Variants in PPP2R2A observed in about 807,000 individuals in gnomAD.
The protein encoded by PPP2R2A is serine/threonine-protein phosphatase 2A 55 kDa regulatory subunit B alpha isoform.
PPP2R2A carries 9 observed loss-of-function variants against 53.2 expected under a neutral mutation model. The observed-to-expected ratio is 0.17, with a 90% CI of 0.10 to 0.30. The LOEUF is 0.30. Ranked by LOEUF, PPP2R2A falls within the 10% of genes least tolerant of loss-of-function variation. The pLI is 1.00. For missense variants in PPP2R2A, 235 were observed against 534.6 expected (o/e 0.44, Z 5.53); for synonymous variants, 169 against 174.2 (o/e 0.97, Z 0.23).
intron 2 of PPP2R2A, among the ~76,000 whole-genome samples, chr8:26,330,460 C>G (rs1238119607): frequency 6.6e-6 from 1 of 151,696 alleles, no homozygotes; most frequent in Admixed American, 6.6e-5. Flanking sequence ...CCTGAGTAGC[C>G]GGGACCGCAG....
At chr8:26,291,873 A>G (rs201258778) in intron 1 of PPP2R2A, 47 bp downstream of exon 1, 1 of 1,592,764 alleles carries the variant, frequency 6.3e-7, no homozygotes, top group Non-Finnish European at 8.6e-7. Flanking sequence ...CCGCTTCCTT[A>G]TTCCTCCCTC....
At chr8:26,291,967 G>T in intron 1 of PPP2R2A, 141 bp downstream of exon 1, 4 of 1,232,302 alleles carry the variant, frequency 3.2e-6, no homozygotes, top group Non-Finnish European at 4.3e-6. Context: ...CAGAGGGGTG[G>T]GGTGGGGGCG....
chr8:26,312,545 C>A (rs1024925125), intron 2 of PPP2R2A, among the ~76,000 whole-genome samples: 2 of 152,204 alleles, frequency 1.3e-5, no homozygotes, highest in Non-Finnish European at 2.9e-5. Flanking sequence ...GTGCTGTTCT[C>A]ACATCAGTTA....
chr8:26,292,045 G>A (rs1258686625), intron 1 of PPP2R2A: 5 of 1,222,300 alleles, frequency 4.1e-6, no homozygotes, highest in Non-Finnish European at 5.2e-6. Context: ...GGCTGGCGCC[G>A]TGGCGGGGGT....
chr8:26,350,650 C>T (rs1804450131), intron 3 of PPP2R2A: 1 of 152,132 alleles, frequency 6.6e-6, no homozygotes, highest in African/African-American at 2.4e-5. Flanking sequence ...AAGCAATCCT[C>T]TGTCTTGGCC....
At chr8:26,353,807 G>A (rs947689747) in intron 3 of PPP2R2A, among the ~76,000 whole-genome samples, 1 of 152,108 alleles carries the variant, frequency 6.6e-6, no homozygotes, top group Non-Finnish European at 1.5e-5. Context: ...CAAATTTAAG[G>A]CGAGTAAGCA....
intron 3 of PPP2R2A, chr8:26,350,514 C>G (rs1329150076): frequency 2.0e-5 from 3 of 152,192 alleles, no homozygotes; most frequent in Non-Finnish European, 4.4e-5. Context: ...ATCCTTCCCA[C>G]TTCAGCCTCC....
At chr8:26,343,697 A>C (rs1034549311) in intron 3 of PPP2R2A, among the ~76,000 whole-genome samples, 19 of 152,308 alleles carry the variant, frequency 1.2e-4, no homozygotes, top group Non-Finnish European at 1.3e-4. Flanking sequence ...AAATTGCATA[A>C]AATATTTAAG....
chr8:26,331,964 G>A (rs1803400662), intron 2 of PPP2R2A, among the ~76,000 whole-genome samples: 2 of 152,148 alleles, frequency 1.3e-5, no homozygotes, highest in Non-Finnish European at 2.9e-5. Context: ...TATATTGAGG[G>A]AAATAACAGA....
At chr8:26,345,119 C>T (rs1804144968) in intron 3 of PPP2R2A, among the ~76,000 whole-genome samples, 1 of 151,968 alleles carries the variant, frequency 6.6e-6, no homozygotes, top group South Asian at 2.1e-4. Flanking sequence ...TAAAAAGTTT[C>T]AAATTGTGGA....
intron 2 of PPP2R2A, among the ~76,000 whole-genome samples, chr8:26,326,112 T>C (rs1803072901): frequency 6.6e-6 from 1 of 152,232 alleles, no homozygotes; most frequent in African/African-American, 2.4e-5. Context: ...GCTGGGATTA[T>C]AGGTGTGAGC....
chr8:26,310,034 G>C (rs1383968429), intron 2 of PPP2R2A, among the ~76,000 whole-genome samples: 1 of 151,258 alleles, frequency 6.6e-6, no homozygotes, highest in Non-Finnish European at 1.5e-5. Context: ...TGTAATCCTA[G>C]CACTTTGGGA....
At chr8:26,295,759 A>G (rs1563279055) in intron 2 of PPP2R2A, among the ~76,000 whole-genome samples, 1 of 152,244 alleles carries the variant, frequency 6.6e-6, no homozygotes, top group Non-Finnish European at 1.5e-5. Flanking sequence ...TGCTGTACAA[A>G]TGTATTAAGT....
At chr8:26,367,388 C>T (rs1805429764) in intron 9 of PPP2R2A, among the ~76,000 whole-genome samples, 1 of 152,144 alleles carries the variant, frequency 6.6e-6, no homozygotes, top group Non-Finnish European at 1.5e-5. Context: ...ACCAGTTTTT[C>T]ATTGTATTTA....
chr8:26,321,789 C>T lies in PPP2R2A; in HGVS notation c.83-17101C>T, dbSNP rs1802854399. The stretch of plus-strand genomic sequence containing the variant: ...GGCTAAGTCACACCTAGATTCCTGA[C>T]CTGTTATGAGATAATAAGTGTTTGT... On this transcript the variant is annotated intron_variant, in intron 2 of 9. Coordinates refer to ENST00000380737, the MANE Select transcript of PPP2R2A (RefSeq NM_002717.4). The surrounding 1 kb of genome is among the most constrained non-coding windows in gnomAD (Gnocchi z 4.1). Among the ~76,000 whole-genome samples the T allele has an allele frequency of 6.6e-6, 1 of 151,820 alleles. No homozygotes were observed. Among genetic ancestry groups the T allele is most frequent in the Admixed American group, 6.6e-5 (1 of 15,224 alleles).
intron 3 of PPP2R2A, among the ~76,000 whole-genome samples, chr8:26,348,963 C>G (rs1418432223): frequency 6.6e-6 from 1 of 151,752 alleles, no homozygotes; most frequent in Non-Finnish European, 1.5e-5. Context: ...AATGTTTTCT[C>G]AGGTTGAAAT....
At chr8:26,306,373 G>C (rs1175753383) in intron 2 of PPP2R2A, among the ~76,000 whole-genome samples, 2 of 151,472 alleles carry the variant, frequency 1.3e-5, no homozygotes, top group Non-Finnish European at 2.9e-5. Context: ...CTGCTCAGAA[G>C]GCTGAGGCAC....
chr8:26,362,608 GT>G lies in PPP2R2A; in HGVS notation c.638-72del. ...TATTTTTGCTTAGGTCCATGAATGG[GT>G]TTTAGGTTTGAGAAATGTAGAATTA... On this transcript the variant is annotated intron_variant, in intron 6 of 9. Transcript: ENST00000380737. This position sits in a 1 kb window ranked among gnomAD's most constrained non-coding sequence, Gnocchi z 4.4. The G allele has an allele frequency of 7.0e-7, 1 of 1,421,604 alleles. No individual in the cohort carries two copies. The highest frequency in any genetic ancestry group is 9.7e-7 in the Non-Finnish European group (1 of 1,031,558). 88.1% of individuals were successfully genotyped at this position (1,421,604 alleles called of 1,614,324 possible).
At chr8:26,352,280 G>C (rs959589275) in intron 3 of PPP2R2A, among the ~76,000 whole-genome samples, 1 of 152,072 alleles carries the variant, frequency 6.6e-6, no homozygotes, top group East Asian at 1.9e-4. Context: ...TCTTATTCAG[G>C]CTTGCTCACT....
Sources: allele counts gnomAD v4.1 joint callset (sites outside exome capture counted in the v4.1 genomes callset), GRCh38; gene constraint gnomAD v4.1.1; non-coding constraint Gnocchi (gnomAD v3.1); transcripts MANE v1.5; gene names NCBI Gene and HGNC (gene_info 2026-07-23, HGNC 2026-07-21).